The following CCDC171 variants were observed in gnomAD, a reference collection of about 807,000 sequenced individuals.
CCDC171 encodes coiled-coil domain containing 171.
CCDC171 carries 177 observed loss-of-function variants against 168.2 expected under a neutral mutation model. The observed-to-expected ratio is 1.05, with a 90% CI of 0.93 to 1.19. The LOEUF (loss-of-function observed/expected upper bound fraction) is 1.19, where lower values mean the gene tolerates loss of function less well. Among genes scored for constraint, CCDC171 ranks in the 50% most tolerant of loss-of-function variants. CCDC171 has a pLI of 0.00. For synonymous variants in CCDC171, 687 were observed against 540.8 expected (o/e 1.27, Z -3.75); for missense variants, 1,991 against 1,539.0 (o/e 1.29, Z -4.91).
At position 15,678,890 on chromosome 9, in the gene CCDC171, A is replaced by G. The variant is rs1404658451; in HGVS notation, c.1209A>G (p.Leu403=). The stretch of plus-strand genomic sequence containing the variant: ...GTTGCAGTGAATTACAGGAAGAACT[A>G]GTAATGGTAAGGATAAAAAAGAAAA... ...EKSCSELQEE[L]VMAKKHQAFL... is the part of the protein sequence containing the mutation. Residue 403 remains leucine, a synonymous_variant, in exon 10 of 26, where the codon CTA becomes CTG. Coordinates refer to ENST00000380701, the MANE Select transcript of CCDC171 (RefSeq NM_173550.4). 2 of 1,579,738 alleles carry G rather than the reference A, an allele frequency of 1.3e-6. No individual in the cohort carries two copies. The highest frequency in any genetic ancestry group is 1.9e-5 in the Admixed American group (1 of 51,402).
intron 8 of CCDC171, among the ~76,000 whole-genome samples, chr9:15,665,496 C>G (rs1219640154): frequency 5.3e-5 from 8 of 152,164 alleles, no homozygotes. Flanking sequence ...TTTTCAAAAA[C>G]CAGGCCAGGA....
rs2048483605 is a variant in CCDC171 at position 15,663,583 on chromosome 9, T to C, written c.916-2580T>C. Among the ~76,000 whole-genome samples the C allele has an allele frequency of 2.0e-5, 3 of 150,586 alleles. 1 individual carries two copies. In the South Asian group the frequency reaches 6.3e-4, roughly 32 times the overall value. On this transcript the variant is annotated intron_variant, in intron 8 of 25. Transcript: ENST00000380701. ...TGTTCTTGAACACTATGTGGAGAAC[T>C]ACATAGAGAATTTTCTTTTTTTTTC...
At chr9:15,592,745 A>G (rs2042085646) in intron 5 of CCDC171, among the ~76,000 whole-genome samples, 1 of 152,056 alleles carries the variant, frequency 6.6e-6, no homozygotes. Context: ...GAGGAGGGTG[A>G]TGGTGGCAGT....
rs2134293753 is a variant in CCDC171, at chr9:15,727,936, C to T, written c.1760C>T (p.Pro587Leu). ...GCAGGCTGTGTGCTCATAAAACAAC[C>T]AGAAGGCATGCTGGATAAATTCTCT... ...LVAGCVLIKQ[P>L]EGMLDKFSWS... is the part of the protein sequence containing the mutation. The change falls in exon 15 of 26, where the codon CCA becomes CTA. Residue 587 changes from proline (P) to leucine (L), a missense_variant. By Grantham distance (98) the Pro-to-Leu change is moderately conservative (BLOSUM62 -3). Transcript: ENST00000380701. 1 of 1,613,274 alleles carries T rather than the reference C, an allele frequency of 6.2e-7. No individual in the cohort carries two copies. The highest frequency in any genetic ancestry group is 2.2e-5 in the East Asian group (1 of 44,850).
Position 15,857,758 on chromosome 9 carries a change from C to T in CCDC171, c.3468+8811C>T, listed in dbSNP as rs547985372. Among the ~76,000 whole-genome samples, 3 of 151,710 alleles carry T rather than the reference C, an allele frequency of 2.0e-5. No homozygotes were observed. In the South Asian group the frequency reaches 6.2e-4, roughly 32 times the overall value. On this transcript the variant is annotated intron_variant, in intron 23 of 25. Coordinates refer to ENST00000380701, the MANE Select transcript of CCDC171 (RefSeq NM_173550.4). ...TCTTTAGCAAGTGATATCTGGTTTT[C>T]CCAACACTCTTTGTTGAAGGAAACT...
rs200633265 is a variant in CCDC171 at position 15,623,463 on chromosome 9, ATGCGCGCG to A, written c.822+51_822+58del. Reference sequence around the variant, plus strand: ...TATATATGCGTACAAACTTTCACATATGCGCGCGCGCGCACACACACACACACACACAC... The same window carrying A: ...TATATATGCGTACAAACTTTCACATACGCGCACACACACACACACACACAC... On this transcript the variant is annotated intron_variant, in intron 7 of 25. Transcript: ENST00000380701. The A allele has an allele frequency of 6.4e-5, 41 of 636,532 alleles. 2 individuals are homozygous for A. The highest frequency in any genetic ancestry group is 5.0e-4 in the African/African-American group (25 of 49,574). The allele number at this position is 636,532 out of a possible 1,614,324, so 39.4% of individuals were successfully genotyped here. A position where few individuals can be genotyped will look rare whatever the true frequency, so the allele number is the denominator to read the frequency against.
At chr9:15,569,956 T>G (rs527681801) in intron 2 of CCDC171, among the ~76,000 whole-genome samples, 1 of 152,072 alleles carries the variant, frequency 6.6e-6, no homozygotes, top group Admixed American at 6.5e-5. Flanking sequence ...GTTTGTGTTT[T>G]TGATTACTTT....
At chr9:15,573,334 G>A (rs935327100) in intron 3 of CCDC171, among the ~76,000 whole-genome samples, 1 of 152,156 alleles carries the variant, frequency 6.6e-6, no homozygotes, top group Non-Finnish European at 1.5e-5. Context: ...GGAGTGCAGT[G>A]GAGCGATCTC....
At chr9:15,957,202 C>G (rs1292827603) in intron 25 of CCDC171, among the ~76,000 whole-genome samples, 1 of 152,048 alleles carries the variant, frequency 6.6e-6, no homozygotes, top group East Asian at 1.9e-4. Context: ...CAGGCAGACA[C>G]CATGCACCTT....
chr9:15,557,649 G>T (rs751703847), intron 1 of CCDC171, among the ~76,000 whole-genome samples: 1 of 152,070 alleles, frequency 6.6e-6, no homozygotes, highest in Non-Finnish European at 1.5e-5. Flanking sequence ...TGAGACGATG[G>T]GGTTTTCTAA....
Position 15,848,962 on chromosome 9 carries a change from C to A in CCDC171, c.3468+15C>A. The A allele has an allele frequency of 2.1e-6, 3 of 1,432,870 alleles. No homozygotes were observed. The highest frequency in any genetic ancestry group is 2.9e-6 in the Non-Finnish European group (3 of 1,045,302). 88.8% of individuals were successfully genotyped at this position (1,432,870 alleles called of 1,614,324 possible). A position where few individuals can be genotyped will look rare whatever the true frequency, so the allele number is the denominator to read the frequency against. On this transcript the variant is annotated intron_variant, in intron 23 of 25. Transcript: ENST00000380701. ...CGCTTCACAAGGTACTGTTATTTTTCTTTAATATTGTTCAATTTGTGTCAT... is the reference window on the plus strand; with the variant it reads ...CGCTTCACAAGGTACTGTTATTTTTATTTAATATTGTTCAATTTGTGTCAT...
chr9:16,103,997 C>T, the CCDC171 span, among the ~76,000 whole-genome samples: 3 of 152,318 alleles, frequency 2.0e-5, no homozygotes, highest in East Asian at 1.9e-4. Context: ...GCTGGTGGGT[C>T]TCCTAAGGTT....
chr9:15,603,541 A>C (rs2043012441), intron 6 of CCDC171, among the ~76,000 whole-genome samples: 1 of 152,144 alleles, frequency 6.6e-6, no homozygotes, highest in African/African-American at 2.4e-5. Flanking sequence ...TGCTGAGGAT[A>C]ATGGCTTCCA....
At chr9:15,679,755 G>C (rs1007813197) in intron 10 of CCDC171, among the ~76,000 whole-genome samples, 4 of 152,058 alleles carry the variant, frequency 2.6e-5, no homozygotes, top group Non-Finnish European at 5.9e-5. Flanking sequence ...CGCTATGTTG[G>C]CCAGGCTGGC....
rs1414186578 is a variant in CCDC171, at chr9:15,744,705, A to C, written c.2482A>C (p.Met828Leu). The change falls in exon 17 of 26, where the codon ATG becomes CTG. Residue 828 changes from methionine (M) to leucine (L), a missense_variant. Physicochemically the swap from Met to Leu is conservative, Grantham distance 15. Transcript: ENST00000380701. ...ATCATGTGCCTCTCTTTTTACCTGG[A>C]TGGAGAGTTTCAAAGAAGGCATAGG... ...GQSCASLFTW[M>L]ESFKEGIGML... is the part of the protein sequence containing the mutation. 1.2e-6 allele frequency: 2 copies of C among 1,614,116 alleles called. No individual in the cohort carries two copies. Among genetic ancestry groups the C allele is most frequent in the Admixed American group, 1.7e-5 (1 of 60,008 alleles).
chr9:15,593,033 C>T (rs1352520258), intron 5 of CCDC171, among the ~76,000 whole-genome samples: 1 of 151,984 alleles, frequency 6.6e-6, no homozygotes, highest in Non-Finnish European at 1.5e-5. Context: ...CTCCCCCACC[C>T]CACAACAGTC....
chr9:16,026,566 G>C (rs1156795786), intron 6 of CCDC171, among the ~76,000 whole-genome samples: 7 of 152,134 alleles, frequency 4.6e-5, no homozygotes, highest in Admixed American at 4.6e-4. Context: ...TACGGAACTT[G>C]TGAATTTTGC....
chr9:15,560,059 C>T (rs2039151065), intron 1 of CCDC171, among the ~76,000 whole-genome samples: 1 of 152,052 alleles, frequency 6.6e-6, no homozygotes, highest in Admixed American at 6.5e-5. Flanking sequence ...GAATATTGGC[C>T]CTCACTCTCT....
chr9:16,090,150 G>A, the CCDC171 span, among the ~76,000 whole-genome samples: 1 of 152,148 alleles, frequency 6.6e-6, no homozygotes, highest in Non-Finnish European at 1.5e-5. Context: ...GTTCACAATA[G>A]CAACGATTTG....
Sources: allele counts gnomAD v4.1 joint callset (sites outside exome capture counted in the v4.1 genomes callset), GRCh38; gene constraint gnomAD v4.1.1; transcripts MANE v1.5; gene names NCBI Gene and HGNC (gene_info 2026-07-23, HGNC 2026-07-21).